UBE2E2: variants seen among roughly 807,000 people sequenced by gnomAD.
The protein encoded by UBE2E2 is ubiquitin conjugating enzyme E2 E2.
UBE2E2 carries 6 observed loss-of-function variants against 24.7 expected under a neutral mutation model. That is an observed-to-expected ratio of 0.24 (90% CI 0.13 to 0.48). The LOEUF is 0.48. UBE2E2 is among the 20% of genes least tolerant of loss of function. The pLI is 0.99. For missense variants in UBE2E2, 169 were observed against 245.0 expected (o/e 0.69, Z 2.07); for synonymous variants, 104 against 83.6 (o/e 1.24, Z -1.33).
chr3:23,370,265 TAA>T (rs1258571646), intron 3 of UBE2E2, among the ~76,000 whole-genome samples: 1 of 152,220 alleles, frequency 6.6e-6, no homozygotes, highest in African/African-American at 2.4e-5. Context: ...TTTCTGTCTT[TAA>T]GTTTGTTATT....
At chr3:23,225,768 T>C (rs190083620) in intron 3 of UBE2E2, among the ~76,000 whole-genome samples, 6 of 152,324 alleles carry the variant, frequency 3.9e-5, no homozygotes, top group African/African-American at 1.4e-4. Flanking sequence ...TCTTAACTCA[T>C]TAGGTAAGGC....
chr3:23,260,075 G>A (rs1283753918), intron 3 of UBE2E2, among the ~76,000 whole-genome samples: 1 of 152,086 alleles, frequency 6.6e-6, no homozygotes, highest in Admixed American at 6.5e-5. Context: ...CATCACAATG[G>A]TGTCCTAGAT....
intron 3 of UBE2E2, among the ~76,000 whole-genome samples, chr3:23,291,683 C>CTT (rs11308326): frequency 0.035 from 3,307 of 95,054 alleles, 173 homozygotes; most frequent in East Asian, 0.1. Context: ...ATTTAAGGGG[C>CTT]TTTTTTTTTT....
intron 3 of UBE2E2, among the ~76,000 whole-genome samples, chr3:23,306,570 C>A (rs1338985739): frequency 6.6e-6 from 1 of 152,142 alleles, no homozygotes; most frequent in African/African-American, 2.4e-5. Flanking sequence ...AAATAAATAT[C>A]TGGTCATGAT....
At chr3:23,233,589 AGGCACTTCTGGGACTACCCACAT>A (rs1225693672) in intron 3 of UBE2E2, among the ~76,000 whole-genome samples, 1 of 152,190 alleles carries the variant, frequency 6.6e-6, no homozygotes, top group Non-Finnish European at 1.5e-5. Flanking sequence ...TTTGGTTATA[AGGCACTTCTGGGACTACCCACAT>A]GGCTTGGATG....
chr3:23,293,099 C>CT (rs1163377582), intron 3 of UBE2E2, among the ~76,000 whole-genome samples: 2 of 152,146 alleles, frequency 1.3e-5, no homozygotes, highest in African/African-American at 2.4e-5. Context: ...ATTATGTATC[C>CT]TTTTTGTGGT....
chr3:23,305,641 C>T (rs1397305414), intron 3 of UBE2E2, among the ~76,000 whole-genome samples: 1 of 152,178 alleles, frequency 6.6e-6, no homozygotes, highest in Non-Finnish European at 1.5e-5. Flanking sequence ...CCGTGTGCCA[C>T]ATTTGAAAAT....
At chr3:23,418,280 G>T (rs557921507) in intron 3 of UBE2E2, among the ~76,000 whole-genome samples, 8 of 152,336 alleles carry the variant, frequency 5.3e-5, no homozygotes, top group African/African-American at 1.7e-4. Flanking sequence ...TCATGGCACA[G>T]TTCCTCACGG....
At chr3:23,519,872 C>T (rs572089440) in intron 4 of UBE2E2, among the ~76,000 whole-genome samples, 2 of 151,624 alleles carry the variant, frequency 1.3e-5, no homozygotes, top group South Asian at 2.1e-4. Flanking sequence ...TTTGTAGAGA[C>T]GGAGTTTTAC....
At chr3:23,296,075 T>A (rs1211932424) in intron 3 of UBE2E2, among the ~76,000 whole-genome samples, 2 of 152,170 alleles carry the variant, frequency 1.3e-5, no homozygotes, top group African/African-American at 4.8e-5. Context: ...TAGTTCCCTT[T>A]CAGTAAGTTT....
intron 3 of UBE2E2, among the ~76,000 whole-genome samples, chr3:23,436,897 T>A (rs1032659566): frequency 2.6e-5 from 4 of 152,192 alleles, no homozygotes; most frequent in Admixed American, 2.6e-4. Context: ...CACAGAGTAT[T>A]TTGCATAATA....
At chr3:23,390,705 C>T (rs1050961646) in intron 3 of UBE2E2, among the ~76,000 whole-genome samples, 1 of 152,236 alleles carries the variant, frequency 6.6e-6, no homozygotes, top group Non-Finnish European at 1.5e-5. Context: ...AAAAGCACTT[C>T]TGCACCTGCT....
At chr3:23,458,391 C>CTGGTGGTGGTAGTGGTGG in intron 3 of UBE2E2, among the ~76,000 whole-genome samples, 1 of 122,434 alleles carries the variant, frequency 8.2e-6, no homozygotes, top group Non-Finnish European at 1.6e-5. Flanking sequence ...AGAGAGATCG[C>CTGGTGGTGGTAGTGGTGG]TGGTGGTGGT....
rs1698471373 is a variant in UBE2E2 at position 23,280,566 on chromosome 3, G to A, written c.227+63254G>A. On this transcript the variant is annotated intron_variant, in intron 3 of 5. Transcript: ENST00000396703. The surrounding 1 kb of genome is among the most constrained non-coding windows in gnomAD (Gnocchi z 4.3). ...AGTGTTGAGGTTGTCCTTTACTTGGGAAGCCTGTTGACCCAACAGCAACCC... is the reference window on the plus strand; with the variant it reads ...AGTGTTGAGGTTGTCCTTTACTTGGAAAGCCTGTTGACCCAACAGCAACCC... 3.3e-5 allele frequency among the ~76,000 whole-genome samples: 5 copies of A among 152,264 alleles called. No individual in the cohort carries two copies. In the South Asian group the frequency reaches 1.0e-3, roughly 32 times the overall value.
At chr3:23,479,155 G>C (rs1007193257) in intron 3 of UBE2E2, among the ~76,000 whole-genome samples, 1 of 152,200 alleles carries the variant, frequency 6.6e-6, no homozygotes, top group African/African-American at 2.4e-5. Flanking sequence ...CCTGGAATCA[G>C]CTGTGCTTGA....
chr3:23,515,756 C>T (rs1694720693), intron 4 of UBE2E2, among the ~76,000 whole-genome samples: 1 of 148,912 alleles, frequency 6.7e-6, no homozygotes. Flanking sequence ...CAGAAGTTCA[C>T]GACAAGCCTG....
chr3:23,331,244 A>G (rs965710874), intron 3 of UBE2E2, among the ~76,000 whole-genome samples: 12 of 152,220 alleles, frequency 7.9e-5, no homozygotes, highest in Admixed American at 3.9e-4. Context: ...GCTTGATTCA[A>G]TAAGTCAGTC....
chr3:23,463,980 G>A (rs1698868840), intron 3 of UBE2E2, among the ~76,000 whole-genome samples: 1 of 152,008 alleles, frequency 6.6e-6, no homozygotes, highest in African/African-American at 2.4e-5. Context: ...CTGTGACATT[G>A]GGCTCCATTT....
chr3:23,588,410 GTT>G (rs199679364), intron 5 of UBE2E2, among the ~76,000 whole-genome samples: 44,872 of 129,922 alleles, frequency 0.35, 6,976 homozygotes, highest in Non-Finnish European at 0.36. Flanking sequence ...TTGTTTTTTT[GTT>G]TTTTTTTTTT....
Sources: gnomAD v4.1 joint callset for allele counts (sites outside exome capture counted in the v4.1 genomes callset) on GRCh38, gnomAD v4.1.1 for gene constraint, Gnocchi (gnomAD v3.1) non-coding constraint, MANE v1.5 for transcripts, NCBI Gene and HGNC (gene_info 2026-07-23, HGNC 2026-07-21) for gene names.